Variants in ZCWPW2 observed in about 807,000 individuals in gnomAD.
ZCWPW2 encodes zinc finger CW-type PWWP domain protein 2.
In ZCWPW2, 45 loss-of-function variants were observed where a neutral mutation model predicts 46.6. The ratio of observed to expected loss-of-function variants is 0.96; its 90% CI spans 0.76 to 1.24. The LOEUF is 1.24. Among genes scored for constraint, ZCWPW2 ranks in the 50% most tolerant of loss-of-function variants. The probability of loss-of-function intolerance (pLI) is 0.00; values close to 1 mark genes in which losing one functional copy is unlikely to be tolerated. For synonymous variants in ZCWPW2, 152 were observed against 137.1 expected (o/e 1.11, Z -0.76); for missense variants, 429 against 403.9 (o/e 1.06, Z -0.53).
At chr3:28,457,091 G>T (rs372319904) in intron 4 of ZCWPW2, among the ~76,000 whole-genome samples, 1 of 152,026 alleles carries the variant, frequency 6.6e-6, no homozygotes, top group Admixed American at 6.6e-5. Flanking sequence ...TTCCTTTAAA[G>T]TATCTTCTAG....
chr3:28,516,264 A>AATAT lies in ZCWPW2; in HGVS notation c.784+646_784+647insTATA, dbSNP rs1261384987. Among the ~76,000 whole-genome samples the AATAT allele has an allele frequency of 1.5e-4, 14 of 93,310 alleles. No individual in the cohort carries two copies. In the East Asian group the frequency reaches 4.5e-3, roughly 30 times the overall value. The allele number at this position is 93,310 out of a possible 152,430, so 61.2% of individuals were successfully genotyped here. A position where few individuals can be genotyped will look rare whatever the true frequency, so the allele number is the denominator to read the frequency against. On this transcript the variant is annotated intron_variant, in intron 8 of 9. Transcript: ENST00000383768. The stretch of plus-strand genomic sequence containing the variant: ...GAACAAGATTCCCTCTCAATAAATA[A>AATAT]ATAAATAAATAAATAAATAAATAAA...
intron 1 of ZCWPW2, among the ~76,000 whole-genome samples, chr3:28,349,920 T>C (rs1704475612): frequency 6.6e-6 from 1 of 152,182 alleles, no homozygotes; most frequent in South Asian, 2.1e-4. Context: ...TTGTTGTTGG[T>C]TTTTTTATTG....
At chr3:28,427,252 A>G (rs1332388891) in intron 3 of ZCWPW2, among the ~76,000 whole-genome samples, 1 of 152,244 alleles carries the variant, frequency 6.6e-6, no homozygotes, top group African/African-American at 2.4e-5. Flanking sequence ...ACAATGCATT[A>G]TCATGGTTGA....
rs552324361 is a variant in ZCWPW2 at position 28,406,668 on chromosome 3, C to T, written c.-13-6388C>T. Among the ~76,000 whole-genome samples the T allele has an allele frequency of 9.2e-5, 14 of 152,058 alleles. No individual in the cohort carries two copies. The South Asian group carries it at 1.7e-3, about 18-fold the overall frequency. ...CTCTTTGCTTCCAGGATAATAAGGT[C>T]GATTAACCTAACATGGTAAATAAGA... On this transcript the variant is annotated intron_variant, in intron 2 of 9. Transcript: ENST00000383768.
In ZCWPW2 at chr3:28,400,687, A is replaced by C. The variant is rs114275183; in HGVS notation, c.-14+10070A>C. On this transcript the variant is annotated intron_variant, in intron 2 of 9. Transcript: ENST00000383768. ...AGCCAAGAATTTTGCTTCCAGCAAA[A>C]CTAAGCTTCATATATGAAGGAAAGA... 6.8e-3 allele frequency among the ~76,000 whole-genome samples: 1,043 copies of C among 152,282 alleles called. 10 individuals are homozygous for C. The highest frequency in any genetic ancestry group is 0.023 in the African/African-American group (946 of 41,564).
chr3:28,377,071 ATT>A (rs59460759), intron 1 of ZCWPW2, among the ~76,000 whole-genome samples: 6 of 148,156 alleles, frequency 4.0e-5, no homozygotes, highest in South Asian at 2.1e-4. Flanking sequence ...CTGCATGATG[ATT>A]TTTTTTTTTG....
At chr3:28,404,060 G>A (rs1202252250) in intron 2 of ZCWPW2, among the ~76,000 whole-genome samples, 1 of 151,948 alleles carries the variant, frequency 6.6e-6, no homozygotes, top group East Asian at 1.9e-4. Context: ...TAATTAAAGA[G>A]CTTTTGTATG....
chr3:28,459,385 A>C (rs908957776), intron 4 of ZCWPW2, among the ~76,000 whole-genome samples: 12 of 148,838 alleles, frequency 8.1e-5, no homozygotes, highest in Middle Eastern at 3.4e-3. Flanking sequence ...AAAAAAAAAA[A>C]CAAAAAACAA....
rs914748597 is a variant in ZCWPW2 at position 28,413,460 on chromosome 3, A to G, written c.332+60A>G. 9.4e-6 allele frequency: 13 copies of G among 1,378,312 alleles called. No homozygotes were observed. In the African/African-American group the frequency reaches 1.4e-4, roughly 15 times the overall value. The allele number at this position is 1,378,312 out of a possible 1,614,324, so 85.4% of individuals were successfully genotyped here. Reference sequence around the variant, plus strand: ...TAGTCTTGCTAGGTTTATGAATATTAAAAATCTTTTTGAAGACTAAACATT... The same window carrying G: ...TAGTCTTGCTAGGTTTATGAATATTGAAAATCTTTTTGAAGACTAAACATT... On this transcript the variant is annotated intron_variant, in intron 3 of 9. Coordinates refer to ENST00000383768, the MANE Select transcript of ZCWPW2 (RefSeq NM_001040432.4).
Position 28,463,802 on chromosome 3 carries a change from C to G in ZCWPW2, c.493-15012C>G, listed in dbSNP as rs547812789. 2.6e-5 allele frequency among the ~76,000 whole-genome samples: 4 copies of G among 151,462 alleles called. 1 individual carries two copies. The South Asian group carries it at 8.3e-4, about 32-fold the overall frequency. ...GGTCCAGTGAGCTATGATCATGCCA[C>G]TGCAGTCCAGACTGTTCAACAGAGC... On this transcript the variant is annotated intron_variant, in intron 4 of 9. Transcript: ENST00000383768.
chr3:28,492,222 T>G (rs1386552714), intron 6 of ZCWPW2, 49 bp downstream of exon 6: 5 of 1,472,212 alleles, frequency 3.4e-6, no homozygotes, highest in Non-Finnish European at 4.6e-6. Flanking sequence ...AAATTTCATT[T>G]AACACTATTC....
chr3:28,361,821 C>A (rs933908256), intron 1 of ZCWPW2, among the ~76,000 whole-genome samples: 1 of 152,020 alleles, frequency 6.6e-6, no homozygotes, highest in African/African-American at 2.4e-5. Flanking sequence ...AAACAATGAG[C>A]TGTACCCTCA....
At chr3:28,485,062 C>G (rs777233072) in intron 5 of ZCWPW2, among the ~76,000 whole-genome samples, 1 of 151,082 alleles carries the variant, frequency 6.6e-6, no homozygotes, top group Admixed American at 6.6e-5. Context: ...CTGAACATTG[C>G]TTTTGCTGCA....
At chr3:28,479,157 T>C (rs556366375) in intron 5 of ZCWPW2, among the ~76,000 whole-genome samples, 3 of 152,318 alleles carry the variant, frequency 2.0e-5, no homozygotes, top group East Asian at 3.9e-4. Context: ...ATGCAGGAGT[T>C]CTTGTTAGCA....
At chr3:28,506,439 A>C (rs1700281215) in intron 6 of ZCWPW2, among the ~76,000 whole-genome samples, 1 of 152,092 alleles carries the variant, frequency 6.6e-6, no homozygotes. Flanking sequence ...ACTAGGCTAG[A>C]CAACATAGGA....
chr3:28,360,782 T>TA (rs1235689940), intron 1 of ZCWPW2, among the ~76,000 whole-genome samples: 1 of 151,732 alleles, frequency 6.6e-6, no homozygotes, highest in African/African-American at 2.4e-5. Flanking sequence ...CTAAAACTCA[T>TA]ATGGCATGTC....
intron 4 of ZCWPW2, among the ~76,000 whole-genome samples, chr3:28,467,938 A>C (rs921041311): frequency 2.0e-5 from 3 of 152,186 alleles, no homozygotes; most frequent in African/African-American, 7.2e-5. Context: ...ACAAGCATCA[A>C]GACCATCCAG....
intron 5 of ZCWPW2, among the ~76,000 whole-genome samples, chr3:28,491,440 T>C (rs1699808441): frequency 1.3e-5 from 2 of 152,116 alleles, no homozygotes; most frequent in Admixed American, 1.3e-4. Context: ...TTATTCTGTT[T>C]TTAGGAGTGG....
rs967040067 is a variant in ZCWPW2 at position 28,394,341 on chromosome 3, G to A, written c.-14+3724G>A. On this transcript the variant is annotated intron_variant, in intron 2 of 9. Coordinates refer to ENST00000383768, the MANE Select transcript of ZCWPW2 (RefSeq NM_001040432.4). ...ACTAATATTGTCAAAATATACTTAT[G>A]ATCCAAAACAATCTACAGATTCAAT... is the stretch of plus-strand genomic sequence containing the variant. Among the ~76,000 whole-genome samples the A allele has an allele frequency of 6.6e-5, 10 of 152,106 alleles. No individual in the cohort carries two copies. The South Asian group carries it at 2.1e-3, about 32-fold the overall frequency.
Sources: allele counts gnomAD v4.1 joint callset (sites outside exome capture counted in the v4.1 genomes callset), GRCh38; gene constraint gnomAD v4.1.1; transcripts MANE v1.5; gene names NCBI Gene and HGNC (gene_info 2026-07-23, HGNC 2026-07-21).